EXOC5: variants seen among roughly 807,000 people sequenced by gnomAD.
EXOC5 encodes the protein SEC10-like 1.
Under a neutral mutation model 90.8 loss-of-function variants are expected in EXOC5, and 17 were observed. The ratio of observed to expected loss-of-function variants is 0.19; its 90% CI spans 0.13 to 0.28. The LOEUF (loss-of-function observed/expected upper bound fraction) is 0.28. Among genes scored for constraint, EXOC5 ranks in the 10% least tolerant of loss-of-function variants. The probability of loss-of-function intolerance (pLI) is 1.00; values close to 1 mark genes in which losing one functional copy is unlikely to be tolerated. For missense variants in EXOC5, 569 were observed against 830.6 expected, an observed-to-expected ratio of 0.69 and a Z score of 3.87; for synonymous variants, 260 against 270.0, an observed-to-expected ratio of 0.96 and a Z score of 0.36.
intron 17 of EXOC5, among the ~76,000 whole-genome samples, 154 bp from the exon 18 acceptor site, chr14:57,208,951 CTT>C (rs1882742171): frequency 6.6e-6 from 1 of 152,118 alleles, no homozygotes; most frequent in Non-Finnish European, 1.5e-5. Flanking sequence ...TGCATTAAAA[CTT>C]AAAGATTTCA....
At chr14:57,234,928 A>C (rs1883613596) in intron 7 of EXOC5, among the ~76,000 whole-genome samples, 1 of 152,106 alleles carries the variant, frequency 6.6e-6, no homozygotes. Context: ...TAGTTTGGAA[A>C]TTTACTTTTT....
At chr14:57,228,885 A>G (rs117827310) in intron 12 of EXOC5, among the ~76,000 whole-genome samples, 2,252 of 151,588 alleles carry the variant, frequency 0.015, 29 homozygotes, top group Non-Finnish European at 0.019. Context: ...TGTCTGGAAC[A>G]TATTATGTAC....
In EXOC5 at chr14:57,205,741, AAG is replaced by A. The variant is rs201413464; in HGVS notation, c.*2866_*2867del. ...TAGAAAGCAAAATATTTAGAAGTGA[AAG>A]AGGGGGGAAAAAAGAATGATCTACA... is the stretch of plus-strand genomic sequence containing the variant. On this transcript the variant is annotated 3_prime_UTR_variant, in exon 18 of 18. Transcript: ENST00000621441. The A allele has an allele frequency of 5.5e-3, 2,146 of 389,218 alleles. 6 individuals are homozygous for A. The highest frequency in any genetic ancestry group is 0.01 in the Admixed American group (270 of 26,462). The allele number at this position is 389,218 out of a possible 1,614,324, so 24.1% of individuals were successfully genotyped here. A position where few individuals can be genotyped will look rare whatever the true frequency, so the allele number is the denominator to read the frequency against.
At chr14:57,245,266 G>A (rs17093005) in intron 3 of EXOC5, among the ~76,000 whole-genome samples, 5 of 152,004 alleles carry the variant, frequency 3.3e-5, no homozygotes, top group South Asian at 2.1e-4. Flanking sequence ...AGTGTGGGAC[G>A]TTTTTCCAAC....
At position 57,204,495 on chromosome 14, in the gene EXOC5, T is replaced by C. The variant is rs1882590258; in HGVS notation, c.*4114A>G. 6.6e-6 allele frequency: 1 copy of C among 152,242 alleles called. No individual in the cohort carries two copies. Among genetic ancestry groups the C allele is most frequent in the Non-Finnish European group, 1.5e-5 (1 of 67,970 alleles). 9.4% of individuals were successfully genotyped at this position (152,242 alleles called of 1,614,324 possible). A position where few individuals can be genotyped will look rare whatever the true frequency, so the allele number is the denominator to read the frequency against. On this transcript the variant is annotated 3_prime_UTR_variant, in exon 18 of 18. Transcript: ENST00000621441. ...GCATTAGTCATTTAAAAACTACCAA[T>C]GTACTAAATAGTTAACACAATTGGC...
At chr14:57,227,148 A>G (rs1036314445) in intron 12 of EXOC5, among the ~76,000 whole-genome samples, 23 of 152,314 alleles carry the variant, frequency 1.5e-4, no homozygotes, top group African/African-American at 5.5e-4. Flanking sequence ...CTGAACAAAC[A>G]CTTCACCAGA....
chr14:57,216,837 C>T (rs1882989999), intron 15 of EXOC5, among the ~76,000 whole-genome samples: 1 of 151,938 alleles, frequency 6.6e-6, no homozygotes, highest in Non-Finnish European at 1.5e-5. Flanking sequence ...CCATCAACAG[C>T]CTATGAAATG....
At chr14:57,260,445 C>T (rs979954538) in intron 1 of EXOC5, among the ~76,000 whole-genome samples, 3 of 151,988 alleles carry the variant, frequency 2.0e-5, no homozygotes, top group Non-Finnish European at 4.4e-5. Flanking sequence ...ATGAAATTAG[C>T]CAATTAATCA....
chr14:57,202,216 A>G lies in EXOC5; in HGVS notation c.*6393T>C, dbSNP rs572148151. 3 of 152,300 alleles carry G rather than the reference A, an allele frequency of 2.0e-5. No individual in the cohort carries two copies. Among genetic ancestry groups the G allele is most frequent in the Admixed American group, 6.5e-5 (1 of 15,298 alleles). 9.4% of individuals were successfully genotyped at this position (152,300 alleles called of 1,614,324 possible). A position where few individuals can be genotyped will look rare whatever the true frequency, so the allele number is the denominator to read the frequency against. Reference sequence around the variant, plus strand: ...AATCTATAAAAATGTCCAGAGTCAAAAAAGTCAAGGAAAGACTGTGGAACT... The same window carrying G: ...AATCTATAAAAATGTCCAGAGTCAAGAAAGTCAAGGAAAGACTGTGGAACT... On this transcript the variant is annotated 3_prime_UTR_variant, in exon 18 of 18. Coordinates refer to ENST00000621441, the MANE Select transcript of EXOC5 (RefSeq NM_006544.4).
chr14:57,251,611 T>G (rs1275057491), intron 1 of EXOC5, among the ~76,000 whole-genome samples: 1 of 150,696 alleles, frequency 6.6e-6, no homozygotes, highest in Non-Finnish European at 1.5e-5. Context: ...ACTTTAAAAC[T>G]TAAGTTATTA....
At chr14:57,232,401 T>G (rs1419761635) in intron 10 of EXOC5, 1 of 233,386 alleles carries the variant, frequency 4.3e-6, no homozygotes, top group Non-Finnish European at 8.2e-6. Flanking sequence ...CTTTTGCAGT[T>G]TCTAAAGTTT....
At chr14:57,239,708 T>C in intron 4 of EXOC5, 49 bp from the exon 5 acceptor site, 1 of 1,127,726 alleles carries the variant, frequency 8.9e-7, no homozygotes, top group Non-Finnish European at 1.3e-6. Context: ...TTTAGGCATA[T>C]CAAAAAATAA....
chr14:57,253,027 C>T (rs1456623884), intron 1 of EXOC5, among the ~76,000 whole-genome samples: 1 of 151,828 alleles, frequency 6.6e-6, no homozygotes, highest in Non-Finnish European at 1.5e-5. Flanking sequence ...GTAAAATAAG[C>T]CAGGAATAGA....
chr14:57,262,763 A>ATATATAT, intron 1 of EXOC5, among the ~76,000 whole-genome samples: 3 of 150,400 alleles, frequency 2.0e-5, no homozygotes, highest in African/African-American at 4.9e-5. Flanking sequence ...ATATATACTT[A>ATATATAT]ATGAATATAT....
At chr14:57,239,074 C>T (rs1298256062) in intron 5 of EXOC5, among the ~76,000 whole-genome samples, 1 of 151,944 alleles carries the variant, frequency 6.6e-6, no homozygotes, top group Non-Finnish European at 1.5e-5. Flanking sequence ...AACCTGAAGT[C>T]CCTAGGAAGA....
At position 57,209,728 on chromosome 14, in the gene EXOC5, A is replaced by C; in HGVS notation, c.1777T>G (p.Ser593Ala). The change falls in exon 17 of 18, where the codon TCC becomes GCC. Residue 593 changes from serine (S) to alanine (A), a missense_variant. Physicochemically the swap from Ser to Ala is moderately conservative, Grantham distance 99. Transcript: ENST00000621441. Reference protein sequence around the residue: ...VRKQVEKIKNSMDGKNVDTVL... With the variant: ...VRKQVEKIKNAMDGKNVDTVL... ...GTATCCACATTCTTCCCATCCATGGAATTTTTAATCTTCTCCACTTGTTTT... is the reference window on the plus strand; with the variant it reads ...GTATCCACATTCTTCCCATCCATGGCATTTTTAATCTTCTCCACTTGTTTT... 3 of 1,613,040 alleles carry C rather than the reference A, an allele frequency of 1.9e-6. No homozygotes were observed. The highest frequency in any genetic ancestry group is 1.7e-4 in the Middle Eastern group (1 of 6,058).
At chr14:57,227,606 C>T (rs1248986543) in intron 12 of EXOC5, among the ~76,000 whole-genome samples, 2 of 152,268 alleles carry the variant, frequency 1.3e-5, no homozygotes, top group South Asian at 4.2e-4. Flanking sequence ...TGCTCCACTT[C>T]CTTAACAACA....
chr14:57,240,533 C>T (rs1365884729), intron 4 of EXOC5, among the ~76,000 whole-genome samples: 2 of 152,038 alleles, frequency 1.3e-5, no homozygotes, highest in African/African-American at 2.4e-5. Flanking sequence ...CCGCCCACCT[C>T]GGCCTCCCAA....
At position 57,231,875 on chromosome 14, in the gene EXOC5, A is replaced by G; in HGVS notation, c.939-160T>C. 3 of 571,438 alleles carry G rather than the reference A, an allele frequency of 5.2e-6. No individual in the cohort carries two copies. The South Asian group carries it at 6.7e-5, about 13-fold the overall frequency. The allele number at this position is 571,438 out of a possible 1,614,324, so 35.4% of individuals were successfully genotyped here. A position where few individuals can be genotyped will look rare whatever the true frequency, so the allele number is the denominator to read the frequency against. On this transcript the variant is annotated intron_variant, in intron 10 of 17. Coordinates refer to ENST00000621441, the MANE Select transcript of EXOC5 (RefSeq NM_006544.4). ...CTTATGATGCAGAGATCAACTCTAC[A>G]GGGTTACATATAAATACAGTGAAAT...
Sources: gnomAD v4.1 joint callset for allele counts (sites outside exome capture counted in the v4.1 genomes callset) on GRCh38, gnomAD v4.1.1 for gene constraint, MANE v1.5 for transcripts, NCBI Gene and HGNC (gene_info 2026-07-23, HGNC 2026-07-21) for gene names.